Variants in CYP7B1 observed in about 807,000 individuals in gnomAD.
CYP7B1 encodes the protein cytochrome P450 family 7 subfamily B member 1.
A neutral mutation model predicts 42.7 loss-of-function variants in CYP7B1; 29 were observed. The ratio of observed to expected loss-of-function variants is 0.68; its 90% confidence interval spans 0.51 to 0.93. The LOEUF (loss-of-function observed/expected upper bound fraction) is 0.93. Ranked by LOEUF, CYP7B1 falls within the 40% of genes least tolerant of loss-of-function variation. The pLI is 0.00. For missense variants in CYP7B1, 655 were observed against 600.5 expected, an observed-to-expected ratio of 1.09 and a Z score of -0.95; for synonymous variants, 235 against 218.2, an observed-to-expected ratio of 1.08 and a Z score of -0.68.
chr8:64,738,098 T>C (rs1386652246), intron 1 of CYP7B1, among the ~76,000 whole-genome samples: 2 of 152,198 alleles, frequency 1.3e-5, no homozygotes, highest in African/African-American at 4.8e-5. Context: ...GCTGAATATG[T>C]AAAAGTAAAG....
At chr8:64,761,711 G>A (rs957225700) in intron 1 of CYP7B1, among the ~76,000 whole-genome samples, 2 of 152,112 alleles carry the variant, frequency 1.3e-5, no homozygotes, top group African/African-American at 2.4e-5. Context: ...CCTACTTAGT[G>A]GCATGTGTTT....
At chr8:64,677,556 A>C (rs908275678) in intron 1 of CYP7B1, among the ~76,000 whole-genome samples, 2 of 151,850 alleles carry the variant, frequency 1.3e-5, no homozygotes, top group African/African-American at 4.8e-5. Context: ...ATTCTCAAGC[A>C]ACTGAGGAGG....
Position 64,758,865 on chromosome 8 carries a change from G to A in CYP7B1, c.122+39601C>T, listed in dbSNP as rs567785824. Among the ~76,000 whole-genome samples, 93 of 152,278 alleles carry A rather than the reference G, an allele frequency of 6.1e-4. 2 individuals carry two copies. In the South Asian group the frequency reaches 0.018, roughly 30 times the overall value. ...AATGAAAAATTCTAAGGACTACTGA[G>A]GCTACAAGATCGGTATTGCCCAGCT... On this transcript the variant is annotated intron_variant, in intron 1 of 5. Transcript: ENST00000310193.
At chr8:64,741,357 T>G (rs1210845245) in intron 1 of CYP7B1, among the ~76,000 whole-genome samples, 1 of 152,198 alleles carries the variant, frequency 6.6e-6, no homozygotes. Context: ...TTTGCTCTTG[T>G]TGCCCAGGTT....
chr8:64,599,442 C>A (rs777202115), intron 5 of CYP7B1, among the ~76,000 whole-genome samples: 7 of 152,296 alleles, frequency 4.6e-5, no homozygotes, highest in Non-Finnish European at 1.5e-5. Flanking sequence ...CCGGCCTCGG[C>A]CTCCCAAAGT....
chr8:64,658,859 C>T (rs1477740465), intron 1 of CYP7B1, among the ~76,000 whole-genome samples: 1 of 152,276 alleles, frequency 6.6e-6, no homozygotes, highest in East Asian at 1.9e-4. Flanking sequence ...CTTTCTTCGT[C>T]AATTCCCTCT....
intron 1 of CYP7B1, among the ~76,000 whole-genome samples, chr8:64,636,011 G>A (rs1174506294): frequency 6.6e-6 from 1 of 152,206 alleles, no homozygotes; most frequent in Non-Finnish European, 1.5e-5. Context: ...GGGGTGCTTA[G>A]GTTTGCACCA....
intron 1 of CYP7B1, among the ~76,000 whole-genome samples, chr8:64,758,238 C>G (rs1012737214): frequency 1.3e-5 from 2 of 152,136 alleles, no homozygotes; most frequent in African/African-American, 4.8e-5. Flanking sequence ...CTCCTCTCCT[C>G]GCTCCTGTAA....
At chr8:64,724,866 T>C (rs774273912) in intron 1 of CYP7B1, among the ~76,000 whole-genome samples, 2 of 152,198 alleles carry the variant, frequency 1.3e-5, no homozygotes, top group Non-Finnish European at 2.9e-5. Context: ...AGTTCCCCTT[T>C]TCCCCAAAGA....
chr8:64,765,401 T>C (rs1807957010), intron 1 of CYP7B1, among the ~76,000 whole-genome samples: 1 of 152,182 alleles, frequency 6.6e-6, no homozygotes, highest in African/African-American at 2.4e-5. Flanking sequence ...ATGAAATGAA[T>C]TTGCATAAGA....
intron 1 of CYP7B1, among the ~76,000 whole-genome samples, chr8:64,734,080 C>A (rs1807452198): frequency 6.6e-6 from 1 of 152,166 alleles, no homozygotes. Context: ...ATATTCAGTA[C>A]TTTTGCTTTA....
intron 1 of CYP7B1, among the ~76,000 whole-genome samples, chr8:64,670,393 T>A (rs1324884759): frequency 6.6e-6 from 1 of 152,162 alleles, no homozygotes; most frequent in Admixed American, 6.5e-5. Context: ...ATAATTTTTA[T>A]AAGTACACAA....
intron 2 of CYP7B1, among the ~76,000 whole-genome samples, chr8:64,622,140 G>A (rs896846526): frequency 6.7e-6 from 1 of 149,062 alleles, no homozygotes; most frequent in African/African-American, 2.6e-5. Context: ...GAATAATAAT[G>A]CATAAAATGC....
At chr8:64,745,732 A>G (rs182202578) in intron 1 of CYP7B1, among the ~76,000 whole-genome samples, 15 of 152,216 alleles carry the variant, frequency 9.9e-5, no homozygotes, top group African/African-American at 3.4e-4. Flanking sequence ...CAGAACAACT[A>G]TTTGCATCTA....
At chr8:64,586,881 C>A (rs1232991223), downstream of CYP7B1, among the ~76,000 whole-genome samples, 3 of 152,164 alleles carry the variant, frequency 2.0e-5, no homozygotes, top group Non-Finnish European at 4.4e-5. Flanking sequence ...CAATGAGCTG[C>A]AGGTTTATTT....
intron 1 of CYP7B1, among the ~76,000 whole-genome samples, chr8:64,682,855 C>T (rs1049680366): frequency 7.9e-5 from 12 of 152,166 alleles, no homozygotes; most frequent in African/African-American, 2.9e-4. Flanking sequence ...CTATTAACAT[C>T]TTAAACTTCA....
intron 4 of CYP7B1, among the ~76,000 whole-genome samples, chr8:64,614,368 G>C (rs556909390): frequency 6.6e-6 from 1 of 152,194 alleles, no homozygotes; most frequent in East Asian, 1.9e-4. Context: ...ATGAGTCGGT[G>C]AGTATTTTAT....
chr8:64,765,968 C>T (rs1162478202), intron 1 of CYP7B1, among the ~76,000 whole-genome samples: 1 of 152,198 alleles, frequency 6.6e-6, no homozygotes, highest in Non-Finnish European at 1.5e-5. Flanking sequence ...TATATTGTTA[C>T]TGCTAGATTA....
In CYP7B1 at chr8:64,592,327, T is replaced by C. The variant is rs558358305; in HGVS notation, c.*4315A>G. Among the ~76,000 whole-genome samples the C allele has an allele frequency of 6.6e-6, 1 of 152,360 alleles. No homozygotes were observed. The highest frequency in any genetic ancestry group is 1.5e-5 in the Non-Finnish European group (1 of 68,038). On this transcript the variant is annotated 3_prime_UTR_variant, in exon 6 of 6. Coordinates refer to ENST00000310193, the MANE Select transcript of CYP7B1 (RefSeq NM_004820.5). ...TTTTATTGTGTATAATTATACATAGTGATTTCTCATTACAGACCATTACTT... is the reference window on the plus strand; with the variant it reads ...TTTTATTGTGTATAATTATACATAGCGATTTCTCATTACAGACCATTACTT...
Sources: gnomAD v4.1 joint callset for allele counts (sites outside exome capture counted in the v4.1 genomes callset) on GRCh38, gnomAD v4.1.1 for gene constraint, MANE v1.5 for transcripts, NCBI Gene and HGNC (gene_info 2026-07-23, HGNC 2026-07-21) for gene names.